Variants in ZNF407 observed in about 807,000 individuals in gnomAD.
The protein encoded by ZNF407 is zinc finger protein 407.
In ZNF407, 17 loss-of-function variants were observed where a neutral mutation model predicts 131.2. The observed-to-expected ratio is 0.13, with a 90% CI of 0.09 to 0.19. ZNF407 has a LOEUF of 0.19. Ranked by LOEUF, ZNF407 falls within the 10% of genes least tolerant of loss-of-function variation. The pLI, the probability that ZNF407 is intolerant of heterozygous loss-of-function variation, is 1.00. For missense variants in ZNF407, 2,681 were observed against 2,830.6 expected (o/e 0.95, Z 1.20); for synonymous variants, 1,156 against 1,062.0 (o/e 1.09, Z -1.72).
intron 4 of ZNF407, among the ~76,000 whole-genome samples, chr18:74,874,354 A>G (rs1382397264): frequency 1.3e-5 from 2 of 152,244 alleles, no homozygotes; most frequent in African/African-American, 2.4e-5. Flanking sequence ...CCTCTTTAAT[A>G]TACTGTAAAT....
chr18:75,018,709 GA>G (rs1330074328), intron 8 of ZNF407, among the ~76,000 whole-genome samples: 1 of 152,072 alleles, frequency 6.6e-6, no homozygotes, highest in Non-Finnish European at 1.5e-5. Context: ...GTGCTTTAAA[GA>G]AGTTAAGCTA....
intron 8 of ZNF407, among the ~76,000 whole-genome samples, chr18:74,928,795 G>A (rs901411364): frequency 4.6e-5 from 7 of 152,104 alleles, no homozygotes; most frequent in African/African-American, 1.7e-4. Flanking sequence ...TTCAGGGCCG[G>A]AGCTAGTTTT....
At chr18:74,796,524 A>G (rs570789736) in intron 4 of ZNF407, among the ~76,000 whole-genome samples, 13 of 152,326 alleles carry the variant, frequency 8.5e-5, no homozygotes, top group African/African-American at 3.1e-4. Context: ...ATGTCGAAGG[A>G]CGCAAAATGG....
chr18:74,682,668 T>C (rs1967011606), intron 3 of ZNF407, among the ~76,000 whole-genome samples: 1 of 152,208 alleles, frequency 6.6e-6, no homozygotes, highest in African/African-American at 2.4e-5. Flanking sequence ...GTTTTCTTAT[T>C]TGATGTAACA....
intron 4 of ZNF407, among the ~76,000 whole-genome samples, chr18:74,865,030 T>A (rs557772751): frequency 6.6e-6 from 1 of 152,304 alleles, no homozygotes; most frequent in South Asian, 2.1e-4. Flanking sequence ...TAATATGAGT[T>A]CCCTGCATCT....
intron 3 of ZNF407, among the ~76,000 whole-genome samples, chr18:74,723,299 T>C (rs1968082143): frequency 6.6e-6 from 1 of 152,206 alleles, no homozygotes; most frequent in African/African-American, 2.4e-5. Flanking sequence ...TCATTGCTCC[T>C]TTTTCCCTTT....
intron 8 of ZNF407, among the ~76,000 whole-genome samples, chr18:74,972,653 T>C (rs1349057990): frequency 6.6e-6 from 1 of 152,244 alleles, no homozygotes; most frequent in Non-Finnish European, 1.5e-5. Flanking sequence ...TTAAAATTAA[T>C]GTATTATTTC....
chr18:74,792,801 G>T (rs1969850478), intron 4 of ZNF407, among the ~76,000 whole-genome samples: 1 of 151,980 alleles, frequency 6.6e-6, no homozygotes. Context: ...AACTTACGTG[G>T]AACATAACTG....
intron 3 of ZNF407, among the ~76,000 whole-genome samples, chr18:74,701,771 G>A (rs962810361): frequency 5.3e-5 from 8 of 151,946 alleles, no homozygotes; most frequent in Admixed American, 3.3e-4. Flanking sequence ...CCTTTGAACT[G>A]TTAATAATTT....
In ZNF407 at chr18:74,803,382, G is replaced by A. The variant is rs1013008863; in HGVS notation, c.4877+21880G>A. ...TAGTGCTGGTGCTGGTCCTGTCATC[G>A]ATAGGGAGACCCTGGAAACTTCCTG... On this transcript the variant is annotated intron_variant, in intron 4 of 8. Transcript: ENST00000299687. 5.9e-5 allele frequency among the ~76,000 whole-genome samples: 9 copies of A among 152,280 alleles called. No individual in the cohort carries two copies. In the South Asian group the frequency reaches 8.3e-4, roughly 14 times the overall value.
chr18:75,047,023 A>AT (rs1181401051), intron 8 of ZNF407, among the ~76,000 whole-genome samples: 37 of 152,218 alleles, frequency 2.4e-4, no homozygotes, highest in African/African-American at 8.2e-4. Context: ...GCTAATTTTG[A>AT]TTTATCTATT....
intron 8 of ZNF407, among the ~76,000 whole-genome samples, chr18:74,985,699 G>A (rs1972644875): frequency 6.6e-6 from 1 of 152,174 alleles, no homozygotes; most frequent in South Asian, 2.1e-4. Context: ...ACTCACTGCT[G>A]GGACAGGAGC....
At chr18:74,850,141 A>G (rs1037728795) in intron 4 of ZNF407, among the ~76,000 whole-genome samples, 4 of 152,236 alleles carry the variant, frequency 2.6e-5, no homozygotes, top group African/African-American at 9.6e-5. Context: ...AACACTGAAC[A>G]CTACAAATAT....
At chr18:74,615,620 A>C (rs1352498672) in intron 1 of ZNF407, among the ~76,000 whole-genome samples, 6 of 152,242 alleles carry the variant, frequency 3.9e-5, no homozygotes, top group African/African-American at 1.4e-4. Context: ...TCTAAAAGGA[A>C]TGGCAGATTA....
intron 3 of ZNF407, among the ~76,000 whole-genome samples, chr18:74,777,361 T>C (rs1054295172): frequency 1.3e-5 from 2 of 152,160 alleles, no homozygotes; most frequent in Non-Finnish European, 2.9e-5. Flanking sequence ...TTATTTTTTA[T>C]TTAAAGGTGT....
At chr18:74,779,108 TA>T (rs1480243172) in intron 3 of ZNF407, among the ~76,000 whole-genome samples, 3 of 47,472 alleles carry the variant, frequency 6.3e-5, no homozygotes, top group African/African-American at 2.4e-4. Context: ...TATATATATA[TA>T]TTTTTTTTTT....
intron 1 of ZNF407, among the ~76,000 whole-genome samples, chr18:74,610,128 C>A (rs537139644): frequency 5.3e-5 from 8 of 152,104 alleles, no homozygotes; most frequent in Non-Finnish European, 1.0e-4. Flanking sequence ...TTGCTTGGGA[C>A]CTGCAATACA....
chr18:74,672,617 T>C (rs1268447140), intron 3 of ZNF407, among the ~76,000 whole-genome samples: 1 of 151,972 alleles, frequency 6.6e-6, no homozygotes, highest in Non-Finnish European at 1.5e-5. Flanking sequence ...GTTTTTCTGT[T>C]CATTGGAGCA....
At chr18:74,954,239 A>T (rs1281427116) in intron 8 of ZNF407, among the ~76,000 whole-genome samples, 1 of 152,240 alleles carries the variant, frequency 6.6e-6, no homozygotes, top group Admixed American at 6.5e-5. Flanking sequence ...CTTACCCAGA[A>T]ACAGTTACTT....
Sources: allele counts gnomAD v4.1 joint callset (sites outside exome capture counted in the v4.1 genomes callset), GRCh38; gene constraint gnomAD v4.1.1; transcripts MANE v1.5; gene names NCBI Gene and HGNC (gene_info 2026-07-23, HGNC 2026-07-21).